EP300: variants seen among roughly 807,000 people sequenced by gnomAD.
The protein encoded by EP300 is histone acetyltransferase p300.
A neutral mutation model predicts 264.0 loss-of-function variants in EP300; 31 were observed. The observed-to-expected ratio is 0.12, with a 90% CI of 0.09 to 0.16. The LOEUF (loss-of-function observed/expected upper bound fraction) is 0.16. Among genes scored for constraint, EP300 ranks in the 10% least tolerant of loss-of-function variants. The pLI, the probability that EP300 is intolerant of heterozygous loss-of-function variation, is 1.00. For missense variants in EP300, 2,766 were observed against 3,052.9 expected, an observed-to-expected ratio of 0.91 and a Z score of 2.21; for synonymous variants, 1,340 against 1,045.4, an observed-to-expected ratio of 1.28 and a Z score of -5.44.
rs74973464 is a variant in EP300, at chr22:41,152,515, CT to C, written c.3142+179del. 4.6e-3 allele frequency among the ~76,000 whole-genome samples: 647 copies of C among 141,378 alleles called. No homozygotes were observed. The highest frequency in any genetic ancestry group is 5.1e-3 in the African/African-American group (199 of 38,892). 92.7% of individuals were successfully genotyped at this position (141,378 alleles called of 152,430 possible). A position where few individuals can be genotyped will look rare whatever the true frequency, so the allele number is the denominator to read the frequency against. ...TCATTGTTACTAATAATTTTTCTTTCTTTTTTTTTTTTTTAATATTCACTTG... is the reference window on the plus strand; with the variant it reads ...TCATTGTTACTAATAATTTTTCTTTCTTTTTTTTTTTTTAATATTCACTTG... On this transcript the variant is annotated intron_variant, in intron 16 of 30. Transcript: ENST00000263253.
intron 10 of EP300, among the ~76,000 whole-genome samples, chr22:41,143,514 T>C (rs950907868): frequency 2.0e-5 from 3 of 152,240 alleles, no homozygotes; most frequent in Non-Finnish European, 4.4e-5. Flanking sequence ...ACGTAGAATG[T>C]TGAAGAAAAC....
chr22:41,111,913 A>G (rs2058793424), intron 1 of EP300, among the ~76,000 whole-genome samples: 1 of 96,744 alleles, frequency 1.0e-5, no homozygotes, highest in African/African-American at 4.2e-5. Flanking sequence ...TTTGAGACAG[A>G]GTCTCACTCT....
At position 41,152,232 on chromosome 22, in the gene EP300, A is replaced by G. The variant is rs2145740675; in HGVS notation, c.3024A>G (p.Glu1008=). 6.2e-7 allele frequency: 1 copy of G among 1,614,168 alleles called. No individual in the cohort carries two copies. Among genetic ancestry groups the G allele is most frequent in the Non-Finnish European group, 8.5e-7 (1 of 1,180,016 alleles). The change falls in exon 16 of 31, where the codon GAA becomes GAG. Residue 1008 remains glutamate, a synonymous_variant. Transcript: ENST00000263253. Reference sequence around the variant, plus strand: ...CTAAAGTGGAAGACTGTAAAATGGAATCTACCGAAACAGAAGAGAGAAGCA... The same window carrying G: ...CTAAAGTGGAAGACTGTAAAATGGAGTCTACCGAAACAGAAGAGAGAAGCA... ...SESKVEDCKM[E]STETEERSTE...
rs2058890623 is a variant in EP300, at chr22:41,127,630, G to A, written c.1050G>A (p.Lys350=). 6.2e-7 allele frequency: 1 copy of A among 1,614,216 alleles called. No individual in the cohort carries two copies. The highest frequency in any genetic ancestry group is 8.5e-7 in the Non-Finnish European group (1 of 1,180,044). Residue 350 remains lysine (K), a synonymous_variant, in exon 4 of 31, where the codon AAG becomes AAA. Coordinates refer to ENST00000263253, the MANE Select transcript of EP300 (RefSeq NM_001429.4). Reference sequence around the variant, plus strand: ...TTGTTCTCCTTTTGCATGCTCACAAGTGCCAGCGCCGGGAACAGGCCAATG... The same window carrying A: ...TTGTTCTCCTTTTGCATGCTCACAAATGCCAGCGCCGGGAACAGGCCAATG... The part of the protein sequence containing the change: ...QQLVLLLHAH[K]CQRREQANGE...
rs913860069 is a variant in EP300, at chr22:41,113,166, C to CCG, written c.95-4020_95-4019insGC. The stretch of plus-strand genomic sequence containing the variant: ...TTTGAATCAGGATTCCACCCCCCCC[C>CCG]CAACTTATGCTATGGATTTGTTGGA... On this transcript the variant is annotated intron_variant, in intron 1 of 30. Coordinates refer to ENST00000263253, the MANE Select transcript of EP300 (RefSeq NM_001429.4). Among the ~76,000 whole-genome samples, 21 of 143,968 alleles carry CCG rather than the reference C, an allele frequency of 1.5e-4. 1 individual carries two copies. Among genetic ancestry groups the CCG allele is most frequent in the Non-Finnish European group, 2.3e-4 (15 of 65,766 alleles). 94.4% of individuals were successfully genotyped at this position (143,968 alleles called of 152,430 possible). A position where few individuals can be genotyped will look rare whatever the true frequency, so the allele number is the denominator to read the frequency against.
At chr22:41,116,831 C>T (rs1001438898) in intron 1 of EP300, among the ~76,000 whole-genome samples, 1 of 152,142 alleles carries the variant, frequency 6.6e-6, no homozygotes, top group Non-Finnish European at 1.5e-5. Flanking sequence ...AAGGCCAATG[C>T]AGACAGATAG....
intron 17 of EP300, 24 bp downstream of exon 17, chr22:41,155,137 A>T: frequency 6.7e-7 from 1 of 1,501,204 alleles, no homozygotes; most frequent in Non-Finnish European, 9.3e-7. Flanking sequence ...GGTACTTTTG[A>T]TTTTATTTTT....
chr22:41,152,064 C>G, intron 15 of EP300, 52 bp downstream of exon 15: 1 of 1,608,006 alleles, frequency 6.2e-7, no homozygotes, highest in Non-Finnish European at 8.5e-7. Flanking sequence ...AGTATAGGAA[C>G]CCAAGTTTTA....
At position 41,150,001 on chromosome 22, in the gene EP300, C is replaced by G; in HGVS notation, c.2620C>G (p.Gln874Glu). 1 of 1,614,100 alleles carries G rather than the reference C, an allele frequency of 6.2e-7. No homozygotes were observed. Among genetic ancestry groups the G allele is most frequent in the Non-Finnish European group, 8.5e-7 (1 of 1,180,026 alleles). ...ACCTCCTGCCATGCCACCTGGGCCA[C>G]AGTCCCAGGCTCTACATCCCCCTCC... is the stretch of plus-strand genomic sequence containing the variant. The part of the protein sequence containing the change: ...PTPPAMPPGP[Q>E]SQALHPPPRQ... The change falls in exon 14 of 31, where the codon CAG becomes GAG. Residue 874 changes from glutamine (Q) to glutamate (E), a missense_variant. Transcript: ENST00000263253.
chr22:41,146,514 G>C (rs1361872511), intron 10 of EP300: 3 of 552,100 alleles, frequency 5.4e-6, no homozygotes, highest in Non-Finnish European at 9.7e-6. Flanking sequence ...GAAAGCACCC[G>C]GGCTCATAAA....
intron 6 of EP300, among the ~76,000 whole-genome samples, chr22:41,134,898 T>TTTTC (rs58117147): frequency 0.01 from 1,527 of 151,760 alleles, 17 homozygotes; most frequent in African/African-American, 0.029. Context: ...AGCATTGCTT[T>TTTTC]TTTCTTTCTT....
chr22:41,102,840 G>T (rs2058738816), intron 1 of EP300, among the ~76,000 whole-genome samples: 1 of 152,064 alleles, frequency 6.6e-6, no homozygotes, highest in African/African-American at 2.4e-5. Context: ...GCAACTTGTT[G>T]GGTGATGATT....
intron 13 of EP300, 132 bp downstream of exon 13, chr22:41,149,307 A>G (rs2059029650): frequency 5.8e-6 from 6 of 1,041,250 alleles, no homozygotes; most frequent in Non-Finnish European, 8.7e-6. Context: ...ACAATTTTGG[A>G]CTTAGGGTAT....
chr22:41,097,922 C>CT (rs1458776821), intron 1 of EP300, among the ~76,000 whole-genome samples: 1 of 151,920 alleles, frequency 6.6e-6, no homozygotes, highest in Non-Finnish European at 1.5e-5. Flanking sequence ...TCTCGATCTC[C>CT]TGACCTTGTG....
In EP300 at chr22:41,092,718, G is replaced by A; in HGVS notation, c.-287G>A. On this transcript the variant is annotated 5_prime_UTR_variant, in exon 1 of 31. Transcript: ENST00000263253. ...TGCGCCTCTAGAGCCGCGAGTTCTCGGGAATTCGCCGCAGCGGACGCGCTC... is the reference window on the plus strand; with the variant it reads ...TGCGCCTCTAGAGCCGCGAGTTCTCAGGAATTCGCCGCAGCGGACGCGCTC... The A allele has an allele frequency of 1.6e-6, 1 of 613,188 alleles. No individual in the cohort carries two copies. The highest frequency in any genetic ancestry group is 3.0e-6 in the Non-Finnish European group (1 of 337,772). 38.0% of individuals were successfully genotyped at this position (613,188 alleles called of 1,614,324 possible).
chr22:41,144,669 T>C (rs556335245), intron 10 of EP300, among the ~76,000 whole-genome samples: 1 of 152,206 alleles, frequency 6.6e-6, no homozygotes, highest in African/African-American at 2.4e-5. Flanking sequence ...TAAATATTTA[T>C]CTTAAAAAAT....
At chr22:41,111,454 A>G (rs548687613) in intron 1 of EP300, among the ~76,000 whole-genome samples, 19 of 152,182 alleles carry the variant, frequency 1.2e-4, no homozygotes, top group Non-Finnish European at 2.5e-4. Context: ...GTGTGATGAT[A>G]TATGTATTTG....
chr22:41,148,943 A>G (rs2059027231), intron 12 of EP300, 95 bp from the exon 13 acceptor site: 2 of 1,565,122 alleles, frequency 1.3e-6, no homozygotes. Flanking sequence ...TTCTCTACTT[A>G]ATAAGCCTGA....
rs2059232613 is a variant in EP300 at position 41,179,879 on chromosome 22, CTCACACACACACACACACACACA to C, written c.*924_*946del. 2.2e-5 allele frequency: 3 copies of C among 135,108 alleles called. No homozygotes were observed. Among genetic ancestry groups the C allele is most frequent in the Non-Finnish European group, 4.1e-5 (3 of 72,450 alleles). 8.4% of individuals were successfully genotyped at this position (135,108 alleles called of 1,614,324 possible). A position where few individuals can be genotyped will look rare whatever the true frequency, so the allele number is the denominator to read the frequency against. ...TTCTTCCTCCTTACCCTACCCCCCA[CTCACACACACACACACACACACA>C]CACACACACACACACACACACTTTC... is the stretch of plus-strand genomic sequence containing the variant. On this transcript the variant is annotated 3_prime_UTR_variant, in exon 31 of 31. Transcript: ENST00000263253.
Sources: allele counts gnomAD v4.1 joint callset (sites outside exome capture counted in the v4.1 genomes callset), GRCh38; gene constraint gnomAD v4.1.1; transcripts MANE v1.5; gene names NCBI Gene and HGNC (gene_info 2026-07-23, HGNC 2026-07-21).